PAX7: variants seen among roughly 807,000 people sequenced by gnomAD.
PAX7 encodes the protein paired box 7, also known as paired box protein Pax-7.
PAX7 carries 18 observed loss-of-function variants against 50.7 expected under a neutral mutation model. That is an observed-to-expected ratio of 0.36 (90% CI 0.25 to 0.53). The LOEUF (loss-of-function observed/expected upper bound fraction) is 0.53, where lower values mean the gene tolerates loss of function less well. Ranked by LOEUF, PAX7 falls within the 20% of genes least tolerant of loss-of-function variation. PAX7 has a pLI of 0.93. For synonymous variants in PAX7, 310 were observed against 290.4 expected (o/e 1.07, Z -0.69); for missense variants, 644 against 702.9 (o/e 0.92, Z 0.95).
At chr1:18,668,951 C>T (rs950782702) in intron 4 of PAX7, among the ~76,000 whole-genome samples, 1 of 152,228 alleles carries the variant, frequency 6.6e-6, no homozygotes, top group Admixed American at 6.5e-5. Flanking sequence ...TAACCTTCAG[C>T]AAACAGTGAC....
chr1:18,738,732 T>A (rs1432207256), intron 8 of PAX7, among the ~76,000 whole-genome samples: 1 of 151,948 alleles, frequency 6.6e-6, no homozygotes, highest in African/African-American at 2.4e-5. Context: ...CCACAGAGAC[T>A]CTGGGCCCAA....
At chr1:18,641,578 C>T (rs906797369) in intron 4 of PAX7, among the ~76,000 whole-genome samples, 3 of 152,346 alleles carry the variant, frequency 2.0e-5, no homozygotes, top group Admixed American at 1.3e-4. Context: ...CACACTTGGG[C>T]TGTTTCAAGG....
intron 4 of PAX7, among the ~76,000 whole-genome samples, chr1:18,686,177 T>C (rs1373021898): frequency 6.6e-6 from 1 of 152,242 alleles, no homozygotes; most frequent in East Asian, 1.9e-4. Flanking sequence ...CTCCTCCATC[T>C]GACTGGGAGC....
chr1:18,677,725 G>A (rs1269975428), intron 4 of PAX7, among the ~76,000 whole-genome samples: 2 of 152,202 alleles, frequency 1.3e-5, no homozygotes, highest in East Asian at 1.9e-4. Context: ...CTTGCTGTGT[G>A]TGTAATGATG....
Position 18,744,780 on chromosome 1 carries a change from C to T in PAX7, c.1403-34C>T, listed in dbSNP as rs145111659. On this transcript the variant is annotated intron_variant, in intron 8 of 8. Coordinates refer to ENST00000420770, the MANE Select transcript of PAX7 (RefSeq NM_001135254.2). ...GAATGGAAGAATAAACAAAAAGAAC[C>T]TCAATTTCTAGGAGAGTCTCTTCTT... 13 of 1,309,822 alleles carry T rather than the reference C, an allele frequency of 9.9e-6. No homozygotes were observed. The African/African-American group carries it at 1.6e-4, about 16-fold the overall frequency. 81.1% of individuals were successfully genotyped at this position (1,309,822 alleles called of 1,614,324 possible). A position where few individuals can be genotyped will look rare whatever the true frequency, so the allele number is the denominator to read the frequency against.
chr1:18,743,918 TCTG>T (rs1329453118), intron 8 of PAX7, among the ~76,000 whole-genome samples: 1 of 152,238 alleles, frequency 6.6e-6, no homozygotes, highest in Admixed American at 6.5e-5. Flanking sequence ...ATGTTGCTCT[TCTG>T]TGGACATTCA....
chr1:18,639,962 G>A (rs941489920), intron 4 of PAX7, among the ~76,000 whole-genome samples: 7 of 151,038 alleles, frequency 4.6e-5, no homozygotes, highest in Admixed American at 1.3e-4. Flanking sequence ...TAGTAGTAGT[G>A]GAGGTAGCAT....
At chr1:18,698,957 G>T (rs1467756262) in intron 5 of PAX7, among the ~76,000 whole-genome samples, 1 of 152,220 alleles carries the variant, frequency 6.6e-6, no homozygotes, top group Non-Finnish European at 1.5e-5. Flanking sequence ...ACGGCCCAGA[G>T]ATTTGGGGGT....
chr1:18,653,925 TGC>T (rs1378488803), intron 4 of PAX7, among the ~76,000 whole-genome samples: 1 of 152,096 alleles, frequency 6.6e-6, no homozygotes, highest in Admixed American at 6.5e-5. Context: ...CAGACGTGTG[TGC>T]GGTCACATGC....
At chr1:18,684,024 C>T (rs2088936508) in intron 4 of PAX7, among the ~76,000 whole-genome samples, 2 of 152,142 alleles carry the variant, frequency 1.3e-5, no homozygotes, top group Non-Finnish European at 2.9e-5. Context: ...CAGACTGAGC[C>T]CGGAGTCTGT....
chr1:18,728,360 C>T (rs1281100977), intron 7 of PAX7, among the ~76,000 whole-genome samples: 1 of 151,554 alleles, frequency 6.6e-6, no homozygotes, highest in East Asian at 1.9e-4. Flanking sequence ...TCTTCCTGCA[C>T]GGGTGTCTGG....
intron 4 of PAX7, among the ~76,000 whole-genome samples, chr1:18,654,144 G>A (rs764382179): frequency 1.3e-5 from 2 of 152,182 alleles, no homozygotes; most frequent in Non-Finnish European, 2.9e-5. Context: ...CCAGTCCAGA[G>A]AGGCAGTTCA....
At chr1:18,690,217 A>G (rs1191335508) in intron 4 of PAX7, among the ~76,000 whole-genome samples, 1 of 152,246 alleles carries the variant, frequency 6.6e-6, no homozygotes, top group African/African-American at 2.4e-5. Context: ...ATGACAAAAA[A>G]TAAAAGTGCT....
intron 4 of PAX7, among the ~76,000 whole-genome samples, chr1:18,647,346 G>C (rs2088361936): frequency 6.6e-6 from 1 of 152,194 alleles, no homozygotes; most frequent in Non-Finnish European, 1.5e-5. Context: ...ACGCGGCTCT[G>C]TGGCTCAGGC....
chr1:18,631,208 G>T lies in PAX7; in HGVS notation c.-396G>T, dbSNP rs1177710982. The T allele has an allele frequency of 8.2e-6, 2 of 244,686 alleles. No homozygotes were observed. The highest frequency in any genetic ancestry group is 1.2e-4 in the East Asian group (2 of 16,898). 15.2% of individuals were successfully genotyped at this position (244,686 alleles called of 1,614,324 possible). On this transcript the variant is annotated 5_prime_UTR_variant, in exon 1 of 9. Coordinates refer to ENST00000420770, the MANE Select transcript of PAX7 (RefSeq NM_001135254.2). ...CGGCGCTCGCCACTCTGAGGCTGGC[G>T]GCCTCGATTCCGGCCGCGTTCCCCC...
At chr1:18,742,484 C>T (rs1931203138) in intron 8 of PAX7, among the ~76,000 whole-genome samples, 1 of 152,186 alleles carries the variant, frequency 6.6e-6, no homozygotes, top group Admixed American at 6.5e-5. Context: ...GGGATGGACA[C>T]TGGAGCCCGG....
At chr1:18,684,580 C>T (rs1033299498) in intron 4 of PAX7, among the ~76,000 whole-genome samples, 6 of 152,218 alleles carry the variant, frequency 3.9e-5, no homozygotes, top group Non-Finnish European at 7.3e-5. Flanking sequence ...GCCATGGTCC[C>T]GGCTTGCCGG....
intron 4 of PAX7, among the ~76,000 whole-genome samples, chr1:18,642,760 G>C (rs553165797): frequency 6.6e-6 from 1 of 152,074 alleles, no homozygotes; most frequent in African/African-American, 2.4e-5. Flanking sequence ...GAGGGAACTC[G>C]CCTTCCCAAA....
intron 7 of PAX7, among the ~76,000 whole-genome samples, chr1:18,707,415 C>CTTTTTTTTT (rs60914648): frequency 1.1e-4 from 3 of 28,062 alleles, no homozygotes; most frequent in Non-Finnish European, 1.5e-4. Flanking sequence ...TTTTTTCTTT[C>CTTTTTTTTT]TTTTTTTTTT....
Sources: gnomAD v4.1 joint callset for allele counts (sites outside exome capture counted in the v4.1 genomes callset) on GRCh38, gnomAD v4.1.1 for gene constraint, MANE v1.5 for transcripts, NCBI Gene and HGNC (gene_info 2026-07-23, HGNC 2026-07-21) for gene names.